The following CRNKL1 variants were observed in gnomAD, a reference collection of about 807,000 sequenced individuals.
CRNKL1 encodes crooked neck pre-mRNA splicing factor 1, also known as crooked neck-like protein 1.
CRNKL1 carries 35 observed loss-of-function variants against 103.7 expected under a neutral mutation model. The observed-to-expected ratio is 0.34, with a 90% CI of 0.26 to 0.45. The LOEUF (loss-of-function observed/expected upper bound fraction) is 0.45, where lower values mean the gene tolerates loss of function less well. Among genes scored for constraint, CRNKL1 ranks in the 20% least tolerant of loss-of-function variants. The pLI is 1.00. For missense variants in CRNKL1, 645 were observed against 836.0 expected, an observed-to-expected ratio of 0.77 and a Z score of 2.82; for synonymous variants, 267 against 282.6, an observed-to-expected ratio of 0.94 and a Z score of 0.55.
chr20:20,038,022 G>C (rs1171191423), intron 12 of CRNKL1, among the ~76,000 whole-genome samples: 1 of 151,778 alleles, frequency 6.6e-6, no homozygotes, highest in Non-Finnish European at 1.5e-5. Context: ...GGGAGGCGGA[G>C]GTTGCAGTGA....
chr20:20,044,615 A>C (rs1013500573), intron 6 of CRNKL1, among the ~76,000 whole-genome samples: 1 of 152,120 alleles, frequency 6.6e-6, no homozygotes, highest in African/African-American at 2.4e-5. Flanking sequence ...ATTCTGTATT[A>C]TTTGAACTCC....
At chr20:20,052,477 A>C (rs1335222460), upstream of CRNKL1, 4 of 1,614,060 alleles carry the variant, frequency 2.5e-6, no homozygotes, top group African/African-American at 5.3e-5. Context: ...TGCAGGACTG[A>C]CCTTTGACCT....
chr20:20,052,780 G>A (rs2146514172), upstream of CRNKL1: 1 of 1,483,946 alleles, frequency 6.7e-7, no homozygotes, highest in East Asian at 2.4e-5. Flanking sequence ...GGGAAGAAGG[G>A]AGAGCGAGGA....
chr20:20,052,798 A>C, upstream of CRNKL1: 1 of 1,403,516 alleles, frequency 7.1e-7, no homozygotes, highest in Non-Finnish European at 9.6e-7. Context: ...GGAAACTACC[A>C]TTCCCAGCAT....
intron 8 of CRNKL1, 31 bp downstream of exon 8, chr20:20,042,294 T>C: frequency 1.3e-6 from 2 of 1,545,386 alleles, no homozygotes; most frequent in Non-Finnish European, 1.8e-6. Flanking sequence ...AGGAAACCAT[T>C]ATCAGCTGAC....
chr20:20,052,467 T>C, upstream of CRNKL1: 1 of 1,614,222 alleles, frequency 6.2e-7, no homozygotes, highest in Non-Finnish European at 8.5e-7. Flanking sequence ...AAGCGGAACT[T>C]GCAGGACTGA....
Position 20,037,313 on chromosome 20 carries a change from G to A in CRNKL1, c.1896+10C>T, listed in dbSNP as rs769703649. 1.2e-6 allele frequency: 2 copies of A among 1,611,608 alleles called. No homozygotes were observed. Among genetic ancestry groups the A allele is most frequent in the Admixed American group, 3.4e-5 (2 of 59,672 alleles). On this transcript the variant is annotated intron_variant, in intron 13 of 13. Transcript: ENST00000536226. ...ACGTGAGATGAACAGTCCCAGGGCAGAGTTCTTACCCCATCATCAGTCTGG... is the reference window on the plus strand; with the variant it reads ...ACGTGAGATGAACAGTCCCAGGGCAAAGTTCTTACCCCATCATCAGTCTGG...
intron 3 of CRNKL1, 105 bp downstream of exon 3, chr20:20,049,235 C>T (rs1308440624): frequency 1.5e-5 from 10 of 685,834 alleles, no homozygotes; most frequent in East Asian, 5.6e-5. Context: ...AATTTCTACC[C>T]GAGGCACAAT....
At chr20:20,048,116 C>A (rs2043624048) in intron 4 of CRNKL1, among the ~76,000 whole-genome samples, 185 bp from the exon 5 acceptor site, 1 of 151,982 alleles carries the variant, frequency 6.6e-6, no homozygotes, top group South Asian at 2.1e-4. Flanking sequence ...TTGCCTAGTT[C>A]AACAAGAAGC....
intron 5 of CRNKL1, 63 bp downstream of exon 5, chr20:20,047,702 T>TA: frequency 6.5e-7 from 1 of 1,534,924 alleles, no homozygotes; most frequent in Non-Finnish European, 8.9e-7. Flanking sequence ...GAGACATCTC[T>TA]ACAGGAGCAG....
At chr20:20,052,256 A>C in intron 1 of CRNKL1, 36 bp downstream of exon 1, 2 of 1,565,066 alleles carry the variant, frequency 1.3e-6, no homozygotes, top group Non-Finnish European at 1.7e-6. Context: ...CCCCTTTCCT[A>C]GGCCACCTCC....
chr20:20,045,286 T>C, intron 6 of CRNKL1, 22 bp downstream of exon 6: 1 of 1,590,574 alleles, frequency 6.3e-7, no homozygotes, highest in Non-Finnish European at 8.6e-7. Context: ...TTTTACAGTA[T>C]AATGAAGTTA....
chr20:20,053,580 A>G (rs1433157246), upstream of CRNKL1, among the ~76,000 whole-genome samples: 1 of 152,224 alleles, frequency 6.6e-6, no homozygotes, highest in African/African-American at 2.4e-5. Flanking sequence ...TGGGGAAAAT[A>G]TATATTTATG....
chr20:20,041,665 T>C, intron 8 of CRNKL1, 40 bp from the exon 9 acceptor site: 1 of 1,437,500 alleles, frequency 7.0e-7, no homozygotes, highest in South Asian at 1.1e-5. Context: ...TATTGAAGTC[T>C]GCTGCTAACA....
At chr20:20,037,050 T>G (rs1039880188) in intron 13 of CRNKL1, among the ~76,000 whole-genome samples, 4 of 152,338 alleles carry the variant, frequency 2.6e-5, no homozygotes, top group South Asian at 2.1e-4. Context: ...TTACTTCCTA[T>G]TAAATGCTCT....
intron 6 of CRNKL1, among the ~76,000 whole-genome samples, chr20:20,044,671 G>C (rs1214744284): frequency 6.6e-6 from 1 of 152,122 alleles, no homozygotes; most frequent in African/African-American, 2.4e-5. Flanking sequence ...CCAGGCTAGA[G>C]TGCAATGGCA....
chr20:20,048,557 G>A, intron 3 of CRNKL1, 56 bp from the exon 4 acceptor site: 1 of 1,573,888 alleles, frequency 6.4e-7, no homozygotes, highest in Non-Finnish European at 8.7e-7. Flanking sequence ...ACATGTAGCA[G>A]TTATTTCAAA....
At chr20:20,041,654 A>G in intron 8 of CRNKL1, 29 bp from the exon 9 acceptor site, 1 of 1,537,928 alleles carries the variant, frequency 6.5e-7, no homozygotes, top group Non-Finnish European at 9.0e-7. Flanking sequence ...TTTTCACAAA[A>G]TATTGAAGTC....
Position 20,036,283 on chromosome 20 carries a change from G to T in CRNKL1, c.1976C>A (p.Ala659Asp). ...AANQPNLKLL[A>D]MAKLWKKQQQ... is the part of the protein sequence containing the mutation. Reference sequence around the variant, plus strand: ...CTGTTTCTTCCACAGTTTGGCCATGGCCAGGAGTTTGAGGTTAGGTTGGTT... The same window carrying T: ...CTGTTTCTTCCACAGTTTGGCCATGTCCAGGAGTTTGAGGTTAGGTTGGTT... Residue 659 changes from alanine (A) to aspartate (D), a missense_variant, in exon 14 of 14, where the codon GCC (alanine) becomes GAC (aspartate). By Grantham distance (126) the Ala-to-Asp change is moderately radical (BLOSUM62 -2). Transcript: ENST00000536226. The T allele has an allele frequency of 6.2e-7, 1 of 1,614,200 alleles. No homozygotes were observed. Among genetic ancestry groups the T allele is most frequent in the Non-Finnish European group, 8.5e-7 (1 of 1,180,034 alleles).
Sources: allele counts gnomAD v4.1 joint callset (sites outside exome capture counted in the v4.1 genomes callset), GRCh38; gene constraint gnomAD v4.1.1; transcripts MANE v1.5; gene names NCBI Gene and HGNC (gene_info 2026-07-23, HGNC 2026-07-21).